Variants in SETDB1 observed in about 807,000 individuals in gnomAD.
The protein encoded by SETDB1 is histone-lysine N-methyltransferase SETDB1.
A neutral mutation model predicts 137.4 loss-of-function variants in SETDB1; 31 were observed. That is an observed-to-expected ratio of 0.23 (90% CI 0.17 to 0.30). SETDB1 has a LOEUF of 0.30. Among genes scored for constraint, SETDB1 ranks in the 10% least tolerant of loss-of-function variants. SETDB1 has a pLI of 1.00. For missense variants in SETDB1, 1,113 were observed against 1,631.5 expected, an observed-to-expected ratio of 0.68 and a Z score of 5.47; for synonymous variants, 548 against 579.9, an observed-to-expected ratio of 0.95 and a Z score of 0.79.
Position 150,963,013 on chromosome 1 carries a change from G to A in SETDB1, c.3334G>A (p.Glu1112Lys), listed in dbSNP as rs748916360. 6.2e-7 allele frequency: 1 copy of A among 1,614,138 alleles called. No homozygotes were observed. ...GTCCAGCAGCACAGAAAGTGAGGGGGAAAGTGGGACCAGCCGAAAGCCCAC... is the reference window on the plus strand; with the variant it reads ...GTCCAGCAGCACAGAAAGTGAGGGGAAAAGTGGGACCAGCCGAAAGCCCAC... ...TLSSSTESEG[E>K]SGTSRKPTAG... Residue 1112 changes from glutamate to lysine, a missense_variant, in exon 19 of 22, where the codon GAA becomes AAA. Physicochemically the swap from Glu to Lys is moderately conservative, Grantham distance 56. This residue lies in a region of SETDB1 where 373 missense variants were observed against 412.7 expected (regional missense o/e 0.90). Coordinates refer to ENST00000692827, the MANE Select transcript of SETDB1 (RefSeq NM_001366418.1).
intron 8 of SETDB1, 36 bp downstream of exon 8, chr1:150,944,029 C>T (rs763052154): frequency 1.4e-5 from 19 of 1,353,820 alleles, no homozygotes; most frequent in Non-Finnish European, 2.0e-5. Context: ...GCTCAGTTTT[C>T]TCCTCTACCT....
chr1:150,964,493 G>C lies in SETDB1; in HGVS notation c.*129G>C, dbSNP rs1670930006. 1.3e-6 allele frequency: 1 copy of C among 741,574 alleles called. No homozygotes were observed. Among genetic ancestry groups the C allele is most frequent in the African/African-American group, 1.7e-5 (1 of 57,676 alleles). 45.9% of individuals were successfully genotyped at this position (741,574 alleles called of 1,614,324 possible). ...CCCAGCTCCTAGTTGATAGAAATGG[G>C]GGTTCTGGACCAGATGATCCCTTCC... On this transcript the variant is annotated 3_prime_UTR_variant, in exon 22 of 22. Coordinates refer to ENST00000692827, the MANE Select transcript of SETDB1 (RefSeq NM_001366418.1).
intron 14 of SETDB1, among the ~76,000 whole-genome samples, chr1:150,953,744 G>A (rs587642352): frequency 2.6e-5 from 4 of 151,810 alleles, no homozygotes; most frequent in South Asian, 2.1e-4. Context: ...CAAGAGAATC[G>A]CTTGAAGCTG....
chr1:150,960,767 A>T lies in SETDB1; in HGVS notation c.2708A>T (p.Asn903Ile). 6.2e-7 allele frequency: 1 copy of T among 1,611,082 alleles called. No homozygotes were observed. The highest frequency in any genetic ancestry group is 1.3e-5 in the African/African-American group (1 of 74,984). ...GGTACAGAGGACCCTGAAGAGTCCA[A>T]TGATGATAGCTCAGATGATAACTTC... ...NSGTEDPEESNDDSSDDNFCK... is the reference protein window; with the variant it reads ...NSGTEDPEESIDDSSDDNFCK... The change falls in exon 16 of 22, where the codon AAT becomes ATT. Residue 903 changes from asparagine to isoleucine, a missense_variant. Asn to Ile is a moderately radical substitution (Grantham distance 149, BLOSUM62 -3). Transcript: ENST00000692827.
In SETDB1 at chr1:150,949,444, G is replaced by A; in HGVS notation, c.1502G>A (p.Gly501Asp). 6.2e-7 allele frequency: 1 copy of A among 1,614,066 alleles called. No homozygotes were observed. The highest frequency in any genetic ancestry group is 8.5e-7 in the Non-Finnish European group (1 of 1,179,948). Residue 501 changes from glycine to aspartate, a missense_variant, in exon 12 of 22, where the codon GGC (glycine) becomes GAC (aspartate). Gly to Asp is a moderately conservative substitution (Grantham distance 94, BLOSUM62 -1). Around this residue, in one of 11 missense-constraint regions of SETDB1, gnomAD observed 192 missense variants for 198.1 expected, o/e 0.97. Transcript: ENST00000692827. ...ACGTCCTTTCGACCAGGATCTGTGG[G>A]CTCTGGTCATTCCTCCCCTACATCT... ...KSTSFRPGSVGSGHSSPTSPA... is the reference protein window; with the variant it reads ...KSTSFRPGSVDSGHSSPTSPA...
intron 14 of SETDB1, 43 bp downstream of exon 14, chr1:150,951,524 GAGCATGTTCTTGTTT>G: frequency 2.0e-6 from 2 of 1,023,050 alleles, no homozygotes; most frequent in Non-Finnish European, 3.0e-6. Context: ...AGAGACTGAG[GAGCATGTTCTTGTTT>G]TTCTGTGCTT....
At chr1:150,927,648 A>C in intron 1 of SETDB1, 56 bp from the exon 2 acceptor site, 1 of 1,494,222 alleles carries the variant, frequency 6.7e-7, no homozygotes, top group Non-Finnish European at 9.2e-7. Context: ...GAAATTCTCT[A>C]TTGATTGATT....
At chr1:150,927,681 A>G in intron 1 of SETDB1, 23 bp from the exon 2 acceptor site, 1 of 1,602,136 alleles carries the variant, frequency 6.2e-7, no homozygotes, top group Non-Finnish European at 8.5e-7. Flanking sequence ...ACTCCAATTT[A>G]ATTTGTTTTC....
Position 150,951,382 on chromosome 1 carries a change from A to G in SETDB1, c.2234A>G (p.His745Arg). 6.2e-7 allele frequency: 1 copy of G among 1,612,548 alleles called. No individual in the cohort carries two copies. Residue 745 changes from histidine (H) to arginine (R), a missense_variant, in exon 14 of 22, where the codon CAT becomes CGT. Coordinates refer to ENST00000692827, the MANE Select transcript of SETDB1 (RefSeq NM_001366418.1). The stretch of plus-strand genomic sequence containing the variant: ...TCATATAGGTCCAAGTGTGCCTGCC[A>G]TCAACTAACTATCCAGGCTACAGCC... ...GCRDKSKCAC[H>R]QLTIQATACT...
At chr1:150,958,619 G>A (rs984218402) in intron 14 of SETDB1, among the ~76,000 whole-genome samples, 29 of 152,170 alleles carry the variant, frequency 1.9e-4, no homozygotes, top group Admixed American at 7.9e-4. Context: ...TTTACTGAAT[G>A]AAAGAATGAA....
chr1:150,950,440 C>A lies in SETDB1; in HGVS notation c.1584-18C>A. 6.4e-7 allele frequency: 1 copy of A among 1,555,768 alleles called. No individual in the cohort carries two copies. The highest frequency in any genetic ancestry group is 8.7e-7 in the Non-Finnish European group (1 of 1,151,616). On this transcript the variant is annotated intron_variant, in intron 12 of 21. Transcript: ENST00000692827. ...GTCCTGTTGCCTTCCGATCTGATCA[C>A]TTGCATCTCATTTGCAGATCACCTT...
At chr1:150,929,698 T>C (rs1002681386) in intron 2 of SETDB1, among the ~76,000 whole-genome samples, 2 of 152,074 alleles carry the variant, frequency 1.3e-5, no homozygotes, top group African/African-American at 2.4e-5. Context: ...CATTTTCAGA[T>C]AACAGCAAGG....
At chr1:150,962,479 G>C in intron 17 of SETDB1, 108 bp from the exon 18 acceptor site, 1 of 1,083,864 alleles carries the variant, frequency 9.2e-7, no homozygotes, top group Non-Finnish European at 1.4e-6. Flanking sequence ...GTCCAGCCCA[G>C]TGCCTGTCTT....
chr1:150,949,914 A>G (rs866657430), intron 12 of SETDB1, among the ~76,000 whole-genome samples: 1 of 152,166 alleles, frequency 6.6e-6, no homozygotes, highest in African/African-American at 2.4e-5. Context: ...AGGCAAATAC[A>G]TTTTAGGAAA....
intron 3 of SETDB1, among the ~76,000 whole-genome samples, chr1:150,932,811 C>T (rs748572993): frequency 2.2e-4 from 34 of 152,082 alleles, no homozygotes; most frequent in Admixed American, 7.9e-4. Flanking sequence ...TTTATTTCCC[C>T]GTAAGCATTG....
intron 3 of SETDB1, among the ~76,000 whole-genome samples, chr1:150,939,498 T>A (rs587688138): frequency 1.3e-5 from 2 of 151,996 alleles, no homozygotes; most frequent in Non-Finnish European, 2.9e-5. Flanking sequence ...CTAATTTTTG[T>A]ATTTTTAGTA....
intron 19 of SETDB1, 56 bp downstream of exon 19, chr1:150,963,195 G>C (rs765631676): frequency 3.4e-5 from 51 of 1,521,406 alleles, no homozygotes; most frequent in Middle Eastern, 3.5e-4. Context: ...ACTTGGGATA[G>C]AGCATTTTTT....
intron 7 of SETDB1, 53 bp downstream of exon 7, chr1:150,943,106 C>T (rs1288363750): frequency 4.7e-6 from 6 of 1,279,398 alleles, no homozygotes; most frequent in Non-Finnish European, 5.7e-6. Flanking sequence ...CAGCACCTGC[C>T]CTGTTCGTGC....
chr1:150,930,367 C>T (rs2102634896), intron 3 of SETDB1: 2 of 381,988 alleles, frequency 5.2e-6, no homozygotes, highest in East Asian at 9.5e-5. Context: ...GGTATTCCAT[C>T]AAAGAGTGGA....
Sources: allele counts gnomAD v4.1 joint callset (sites outside exome capture counted in the v4.1 genomes callset), GRCh38; gene constraint gnomAD v4.1.1; regional missense constraint gnomAD v4.1.1; transcripts MANE v1.5; gene names NCBI Gene and HGNC (gene_info 2026-07-23, HGNC 2026-07-21).